FOXP1: variants seen among roughly 807,000 people sequenced by gnomAD.
The protein encoded by FOXP1 is forkhead box protein P1.
In FOXP1, 15 loss-of-function variants were observed where a neutral mutation model predicts 98.2. The ratio of observed to expected loss-of-function variants is 0.15; its 90% confidence interval spans 0.10 to 0.24. The LOEUF (loss-of-function observed/expected upper bound fraction) is 0.24. Among genes scored for constraint, FOXP1 ranks in the 10% least tolerant of loss-of-function variants. The pLI, the probability that FOXP1 is intolerant of heterozygous loss-of-function variation, is 1.00. For synonymous variants in FOXP1, 371 were observed against 314.5 expected, an observed-to-expected ratio of 1.18 and a Z score of -1.90; for missense variants, 633 against 848.5, an observed-to-expected ratio of 0.75 and a Z score of 3.15.
intron 2 of FOXP1, among the ~76,000 whole-genome samples, chr3:71,537,906 A>G (rs536240685): frequency 2.6e-5 from 4 of 152,352 alleles, no homozygotes; most frequent in Admixed American, 1.3e-4. Context: ...CACGATGTGA[A>G]ATTGAAATTT....
chr3:71,060,998 C>T (rs1156546371), intron 7 of FOXP1, among the ~76,000 whole-genome samples: 21 of 152,146 alleles, frequency 1.4e-4, no homozygotes, highest in Admixed American at 1.4e-3. Context: ...GAAGAGCATT[C>T]CTACAATCCA....
At chr3:71,086,190 A>G (rs1021182978) in intron 7 of FOXP1, among the ~76,000 whole-genome samples, 12 of 152,202 alleles carry the variant, frequency 7.9e-5, no homozygotes, top group Non-Finnish European at 1.8e-4. Context: ...ATTGAAATCC[A>G]TCACAACTGT....
intron 4 of FOXP1, among the ~76,000 whole-genome samples, chr3:71,306,234 G>C (rs1351494892): frequency 6.6e-6 from 1 of 151,940 alleles, no homozygotes; most frequent in African/African-American, 2.4e-5. Flanking sequence ...TCAGTTAAAT[G>C]TTATGTTGCT....
intron 18 of FOXP1, chr3:70,971,812 C>T (rs911814497): frequency 2.2e-5 from 9 of 412,280 alleles, no homozygotes; most frequent in Middle Eastern, 7.2e-4. Context: ...GCATTAAAGA[C>T]GTCAAAAAAG....
chr3:71,237,617 C>A (rs1178655976), intron 5 of FOXP1, among the ~76,000 whole-genome samples: 1 of 152,180 alleles, frequency 6.6e-6, no homozygotes, highest in Non-Finnish European at 1.5e-5. Flanking sequence ...AGGAACGGTG[C>A]TAGGAAAGGA....
intron 11 of FOXP1, among the ~76,000 whole-genome samples, chr3:71,034,324 G>A (rs1365928890): frequency 6.6e-6 from 1 of 152,098 alleles, no homozygotes; most frequent in Non-Finnish European, 1.5e-5. Context: ...AGTGAAGGTG[G>A]TCTGGGGAGC....
intron 14 of FOXP1, among the ~76,000 whole-genome samples, chr3:70,986,697 T>C (rs1347252194): frequency 6.6e-6 from 1 of 152,216 alleles, no homozygotes; most frequent in Non-Finnish European, 1.5e-5. Flanking sequence ...CTGGTTCTTT[T>C]TTTTCCTTTC....
At chr3:71,191,263 C>G (rs990013571) in intron 6 of FOXP1, among the ~76,000 whole-genome samples, 7 of 152,228 alleles carry the variant, frequency 4.6e-5, no homozygotes, top group African/African-American at 1.7e-4. Context: ...TTGGCAATCA[C>G]TGAAACTAAT....
intron 7 of FOXP1, among the ~76,000 whole-genome samples, chr3:71,059,657 G>A (rs888625446): frequency 3.9e-5 from 6 of 152,190 alleles, no homozygotes; most frequent in Non-Finnish European, 8.8e-5. Flanking sequence ...TTCTCCTGTA[G>A]CTGGGATGGA....
intron 6 of FOXP1, among the ~76,000 whole-genome samples, chr3:71,141,653 G>C (rs1408862057): frequency 6.6e-6 from 1 of 152,198 alleles, no homozygotes; most frequent in Non-Finnish European, 1.5e-5. Flanking sequence ...ACTGGGCCTA[G>C]GAGGGAGAAC....
At chr3:71,271,806 C>CCACTAATGTGCTTTCACTGGGCTT (rs2070384210) in intron 5 of FOXP1, among the ~76,000 whole-genome samples, 1 of 152,180 alleles carries the variant, frequency 6.6e-6, no homozygotes, top group African/African-American at 2.4e-5. Flanking sequence ...AAACTCATAA[C>CCACTAATGTGCTTTCACTGGGCTT]CACTAATGTG....
At chr3:71,245,998 ACCC>A (rs55660633) in intron 5 of FOXP1, among the ~76,000 whole-genome samples, 16 of 132,176 alleles carry the variant, frequency 1.2e-4, no homozygotes, top group Admixed American at 2.4e-4. Flanking sequence ...TACGAAAACC[ACCC>A]CCCCCCCACC....
chr3:71,527,494 G>A (rs569161920), intron 2 of FOXP1, among the ~76,000 whole-genome samples: 4 of 152,110 alleles, frequency 2.6e-5, no homozygotes, highest in East Asian at 3.9e-4. Flanking sequence ...TTGATGAGAC[G>A]ATCTCTCACC....
At chr3:71,162,111 A>T (rs1213337257) in intron 6 of FOXP1, among the ~76,000 whole-genome samples, 5 of 152,246 alleles carry the variant, frequency 3.3e-5, no homozygotes, top group Non-Finnish European at 5.9e-5. Flanking sequence ...GACACCAAGC[A>T]TACAGCCAGA....
At chr3:71,393,249 C>G (rs957016740) in intron 3 of FOXP1, among the ~76,000 whole-genome samples, 1 of 152,034 alleles carries the variant, frequency 6.6e-6, no homozygotes, top group Admixed American at 6.6e-5. Flanking sequence ...AATCATGACT[C>G]ATATTCATGA....
chr3:71,428,495 C>T (rs974827485), intron 3 of FOXP1, among the ~76,000 whole-genome samples: 1 of 152,228 alleles, frequency 6.6e-6, no homozygotes. Flanking sequence ...TCCACCCCTT[C>T]GGGTTTGGAA....
chr3:71,470,415 C>T (rs2089219497), intron 3 of FOXP1, among the ~76,000 whole-genome samples: 1 of 152,184 alleles, frequency 6.6e-6, no homozygotes, highest in Non-Finnish European at 1.5e-5. Flanking sequence ...TTCTTAATGA[C>T]TTGAGTCAAA....
intron 10 of FOXP1, among the ~76,000 whole-genome samples, chr3:71,045,484 A>G (rs2048899108): frequency 6.6e-6 from 1 of 152,196 alleles, no homozygotes; most frequent in Non-Finnish European, 1.5e-5. Flanking sequence ...CAATAAACCC[A>G]AAGGTGTAAT....
chr3:71,536,310 C>G (rs1371403644), intron 2 of FOXP1, among the ~76,000 whole-genome samples: 1 of 152,138 alleles, frequency 6.6e-6, no homozygotes, highest in Non-Finnish European at 1.5e-5. Flanking sequence ...TTGTGACCCA[C>G]GAATTGCAGA....
Sources: gnomAD v4.1 joint callset for allele counts (sites outside exome capture counted in the v4.1 genomes callset) on GRCh38, gnomAD v4.1.1 for gene constraint, MANE v1.5 for transcripts, NCBI Gene and HGNC (gene_info 2026-07-23, HGNC 2026-07-21) for gene names.